Variants in KIF3C observed in about 807,000 individuals in gnomAD.
KIF3C encodes kinesin family member 3C, also known as kinesin-like protein KIF3C.
Under a neutral mutation model 67.7 loss-of-function variants are expected in KIF3C, and 12 were observed. That is an observed-to-expected ratio of 0.18 (90% CI 0.11 to 0.29). The LOEUF (loss-of-function observed/expected upper bound fraction) is 0.29, where lower values mean the gene tolerates loss of function less well. Ranked by LOEUF, KIF3C falls within the 10% of genes least tolerant of loss-of-function variation. The pLI, the probability that KIF3C is intolerant of heterozygous loss-of-function variation, is 1.00. For missense variants in KIF3C, 789 were observed against 1,059.6 expected (o/e 0.74, Z 3.55); for synonymous variants, 393 against 426.2 (o/e 0.92, Z 0.96).
At chr2:25,978,160 C>T (rs1162648645) in intron 1 of KIF3C, among the ~76,000 whole-genome samples, 1 of 152,104 alleles carries the variant, frequency 6.6e-6, no homozygotes, top group East Asian at 1.9e-4. Flanking sequence ...GGAAAGAGCA[C>T]AGGGCTGGGG....
chr2:25,934,011 CAT>C, intron 5 of KIF3C: 2 of 368,672 alleles, frequency 5.4e-6, no homozygotes, highest in Non-Finnish European at 1.1e-5. Flanking sequence ...GTGGTATATT[CAT>C]AGAGTGGAAT....
chr2:25,936,089 A>C (rs183211766), intron 5 of KIF3C, among the ~76,000 whole-genome samples: 125 of 148,286 alleles, frequency 8.4e-4, no homozygotes, highest in African/African-American at 3.0e-3. Context: ...TCAGTCTCAA[A>C]AAAAAAAAAC....
intron 5 of KIF3C, among the ~76,000 whole-genome samples, chr2:25,940,358 G>A (rs950073817): frequency 2.6e-5 from 4 of 152,012 alleles, no homozygotes; most frequent in African/African-American, 9.7e-5. Flanking sequence ...ATAACCTGAG[G>A]TCAGGGGTTT....
chr2:25,935,139 G>A (rs564914693), intron 5 of KIF3C, among the ~76,000 whole-genome samples: 1 of 152,168 alleles, frequency 6.6e-6, no homozygotes, highest in African/African-American at 2.4e-5. Context: ...AGCTACTTGG[G>A]AAGCTGAGGC....
At chr2:25,943,612 G>A (rs1423843720) in intron 5 of KIF3C, among the ~76,000 whole-genome samples, 4 of 152,156 alleles carry the variant, frequency 2.6e-5, no homozygotes, top group Non-Finnish European at 4.4e-5. Context: ...GGGAGGCCGA[G>A]GTGGGCGGAT....
intron 1 of KIF3C, among the ~76,000 whole-genome samples, chr2:25,962,962 T>C (rs866174567): frequency 0.065 from 2,231 of 34,126 alleles, 64 homozygotes; most frequent in Non-Finnish European, 0.077. Context: ...ATATATAATA[T>C]ATATAATATA....
chr2:25,963,197 T>TATA (rs55857611), intron 1 of KIF3C, among the ~76,000 whole-genome samples: 425 of 28,548 alleles, frequency 0.015, 48 homozygotes, highest in African/African-American at 0.024. Flanking sequence ...TATATATATA[T>TATA]TTTTTTTTTT....
chr2:25,964,061 A>G (rs1194371080), intron 1 of KIF3C, among the ~76,000 whole-genome samples: 1 of 152,124 alleles, frequency 6.6e-6, no homozygotes, highest in Admixed American at 6.6e-5. Context: ...TAATCCCAAC[A>G]CTTTCGGAGA....
At chr2:25,940,624 G>C (rs1049118366) in intron 5 of KIF3C, among the ~76,000 whole-genome samples, 6 of 149,638 alleles carry the variant, frequency 4.0e-5, no homozygotes, top group Non-Finnish European at 8.9e-5. Flanking sequence ...GTAAGTGGCA[G>C]AGCAGGGGCT....
chr2:25,950,550 C>T (rs995717067), intron 5 of KIF3C, among the ~76,000 whole-genome samples: 2 of 152,098 alleles, frequency 1.3e-5, no homozygotes, highest in African/African-American at 4.8e-5. Flanking sequence ...CATAAGATAA[C>T]CCTTCAGAGT....
intron 4 of KIF3C, among the ~76,000 whole-genome samples, chr2:25,953,740 G>A (rs565888722): frequency 1.4e-5 from 2 of 146,806 alleles, no homozygotes; most frequent in South Asian, 4.3e-4. Context: ...GCATGATCTC[G>A]GCTCACTGCC....
chr2:25,949,313 C>G (rs1370105959), intron 5 of KIF3C, among the ~76,000 whole-genome samples: 8 of 152,116 alleles, frequency 5.3e-5, no homozygotes, highest in Non-Finnish European at 1.0e-4. Context: ...GTGGCTCACG[C>G]CTGTAATCCT....
chr2:25,940,319 C>T (rs1278310896), intron 5 of KIF3C, among the ~76,000 whole-genome samples: 3 of 151,972 alleles, frequency 2.0e-5, no homozygotes, highest in Non-Finnish European at 2.9e-5. Context: ...GCCTGTAATC[C>T]TAGCAGTTTG....
At chr2:25,973,443 A>G (rs1247122741) in intron 1 of KIF3C, among the ~76,000 whole-genome samples, 1 of 151,740 alleles carries the variant, frequency 6.6e-6, no homozygotes, top group East Asian at 1.9e-4. Context: ...AATCCCAGCT[A>G]CTTAAGAGGC....
chr2:25,930,122 T>A, intron 5 of KIF3C, 59 bp from the exon 6 acceptor site: 1 of 1,348,772 alleles, frequency 7.4e-7, no homozygotes, highest in South Asian at 1.2e-5. Context: ...GCAAATGACA[T>A]CATGAGGACC....
At position 25,928,810 on chromosome 2, in the gene KIF3C, G is replaced by A. The variant is rs2090432515; in HGVS notation, c.*168C>T. ...AATAAATAACATGAATTAAATAAAG[G>A]AGGCGAAGAAGAGCAGGCAGAGGCA... On this transcript the variant is annotated 3_prime_UTR_variant, in exon 8 of 8. Transcript: ENST00000264712. 1 of 592,686 alleles carries A rather than the reference G, an allele frequency of 1.7e-6. No individual in the cohort carries two copies. The highest frequency in any genetic ancestry group is 3.0e-6 in the Non-Finnish European group (1 of 334,612). The allele number at this position is 592,686 out of a possible 1,614,324, so 36.7% of individuals were successfully genotyped here.
chr2:25,956,494 A>G (rs768060705), intron 1 of KIF3C, 50 bp from the exon 2 acceptor site: 12 of 1,411,356 alleles, frequency 8.5e-6, no homozygotes, highest in Non-Finnish European at 1.0e-5. Flanking sequence ...GGTCCACAAC[A>G]TTGCTAGCTG....
chr2:25,953,374 T>A (rs907307025), intron 4 of KIF3C, among the ~76,000 whole-genome samples: 7 of 152,106 alleles, frequency 4.6e-5, no homozygotes, highest in African/African-American at 1.7e-4. Context: ...ATAATTTTTT[T>A]TTTTGAGACA....
In KIF3C at chr2:25,982,053, G is replaced by C; in HGVS notation, c.-136C>G. The C allele has an allele frequency of 1.5e-6, 1 of 670,862 alleles. No homozygotes were observed. The highest frequency in any genetic ancestry group is 2.4e-6 in the Non-Finnish European group (1 of 411,326). The allele number at this position is 670,862 out of a possible 1,614,324, so 41.6% of individuals were successfully genotyped here. On this transcript the variant is annotated 5_prime_UTR_variant, in exon 1 of 8. Coordinates refer to ENST00000264712, the MANE Select transcript of KIF3C (RefSeq NM_002254.8). ...CTTCAATCCGCATGCAGCCTCCTAG[G>C]GTGGGGACGCTGGGAGGTGGCCCCA...
Sources: gnomAD v4.1 joint callset for allele counts (sites outside exome capture counted in the v4.1 genomes callset) on GRCh38, gnomAD v4.1.1 for gene constraint, MANE v1.5 for transcripts, NCBI Gene and HGNC (gene_info 2026-07-23, HGNC 2026-07-21) for gene names.